Variants in SOBP observed in about 807,000 individuals in gnomAD.
SOBP encodes sine oculis binding protein homolog.
A neutral mutation model predicts 53.6 loss-of-function variants in SOBP; 4 were observed. The observed-to-expected ratio is 0.07, with a 90% CI of 0.04 to 0.17. The LOEUF (loss-of-function observed/expected upper bound fraction) is 0.17, where lower values mean the gene tolerates loss of function less well. Among genes scored for constraint, SOBP ranks in the 10% least tolerant of loss-of-function variants. The pLI, the probability that SOBP is intolerant of heterozygous loss-of-function variation, is 1.00. For missense variants in SOBP, 1,088 were observed against 1,204.7 expected, an observed-to-expected ratio of 0.90 and a Z score of 1.43; for synonymous variants, 584 against 522.6, an observed-to-expected ratio of 1.12 and a Z score of -1.60.
intron 4 of SOBP, among the ~76,000 whole-genome samples, chr6:107,542,394 G>A (rs1784174528): frequency 1.3e-5 from 2 of 152,180 alleles, no homozygotes; most frequent in African/African-American, 2.4e-5. Flanking sequence ...ACAGATGTCT[G>A]GAGCGGAATG....
At chr6:107,608,113 G>T (rs894412965) in intron 5 of SOBP, among the ~76,000 whole-genome samples, 6 of 152,208 alleles carry the variant, frequency 3.9e-5, no homozygotes, top group East Asian at 1.9e-4. Context: ...AGGAAGGATA[G>T]ATAACCAACG....
At chr6:107,550,795 A>G (rs1304109145) in intron 4 of SOBP, among the ~76,000 whole-genome samples, 1 of 152,240 alleles carries the variant, frequency 6.6e-6, no homozygotes, top group Non-Finnish European at 1.5e-5. Context: ...TAAAAAACCA[A>G]TGCATAACCC....
intron 5 of SOBP, among the ~76,000 whole-genome samples, chr6:107,592,249 A>G (rs990086845): frequency 6.6e-6 from 1 of 152,150 alleles, no homozygotes; most frequent in South Asian, 2.1e-4. Context: ...CCCTGGTTCT[A>G]AGTGTATTCA....
At chr6:107,557,616 C>T (rs1784651875) in intron 4 of SOBP, among the ~76,000 whole-genome samples, 1 of 152,094 alleles carries the variant, frequency 6.6e-6, no homozygotes, top group Non-Finnish European at 1.5e-5. Flanking sequence ...GGACAGAGTG[C>T]CAGGTAGTGG....
intron 4 of SOBP, among the ~76,000 whole-genome samples, chr6:107,535,874 T>C (rs1783983421): frequency 6.6e-6 from 1 of 152,158 alleles, no homozygotes; most frequent in African/African-American, 2.4e-5. Flanking sequence ...GAACTGCTTG[T>C]AATAAGCCCC....
At chr6:107,496,580 AATC>A (rs1782703966) in intron 1 of SOBP, among the ~76,000 whole-genome samples, 1 of 152,184 alleles carries the variant, frequency 6.6e-6, no homozygotes, top group Non-Finnish European at 1.5e-5. Flanking sequence ...TCTGCGTTAA[AATC>A]ATTGTGTTGT....
At chr6:107,556,634 G>A (rs9398134) in intron 4 of SOBP, among the ~76,000 whole-genome samples, 3 of 152,180 alleles carry the variant, frequency 2.0e-5, no homozygotes, top group East Asian at 3.8e-4. Context: ...GCATTAATGC[G>A]TGCCTAACAA....
Position 107,558,798 on chromosome 6 carries a change from A to G in SOBP, c.573+25188A>G, listed in dbSNP as rs542534427. On this transcript the variant is annotated intron_variant, in intron 4 of 6. Transcript: ENST00000317357. ...AGAGAGATCAGAAAAAATTTAAGTT[A>G]TTCTAGTGATATTAAAAAGTGAGAC... 2.1e-3 allele frequency among the ~76,000 whole-genome samples: 322 copies of G among 152,190 alleles called. 1 individual carries two copies. Among genetic ancestry groups the G allele is most frequent in the African/African-American group, 7.4e-3 (306 of 41,530 alleles).
At chr6:107,657,146 G>A (rs141194730) in intron 6 of SOBP, among the ~76,000 whole-genome samples, 1 of 152,342 alleles carries the variant, frequency 6.6e-6, no homozygotes, top group East Asian at 1.9e-4. Flanking sequence ...GCTTTACCAT[G>A]CAGTTGGCAG....
chr6:107,601,118 G>A (rs1481250758), intron 5 of SOBP, among the ~76,000 whole-genome samples: 1 of 152,192 alleles, frequency 6.6e-6, no homozygotes, highest in African/African-American at 2.4e-5. Context: ...TCTCTCCTAT[G>A]TCTAGGGAGT....
Position 107,635,953 on chromosome 6 carries a change from T to A in SOBP, c.*3+484T>A, listed in dbSNP as rs1771021597. ...TACTAAATAGAGCTGGTTGCCTCAT[T>A]GGCAGAATGTCACCAAATTTTCTTG... On this transcript the variant is annotated intron_variant, in intron 6 of 6. Transcript: ENST00000317357. The surrounding 1 kb of genome is among the most constrained non-coding windows in gnomAD (Gnocchi z 4.5). Among the ~76,000 whole-genome samples the A allele has an allele frequency of 6.6e-6, 1 of 152,324 alleles. No homozygotes were observed. Among genetic ancestry groups the A allele is most frequent in the South Asian group, 2.1e-4 (1 of 4,826 alleles).
chr6:107,600,911 T>C, intron 5 of SOBP, among the ~76,000 whole-genome samples: 1 of 152,192 alleles, frequency 6.6e-6, no homozygotes, highest in East Asian at 1.9e-4. Context: ...TACCCCTCAT[T>C]TTTACAAGAT....
intron 4 of SOBP, among the ~76,000 whole-genome samples, chr6:107,542,011 T>C (rs1784162006): frequency 6.6e-6 from 1 of 152,114 alleles, no homozygotes; most frequent in African/African-American, 2.4e-5. Context: ...ACTAAGCATG[T>C]TTTAGTCTTG....
intron 4 of SOBP, among the ~76,000 whole-genome samples, chr6:107,568,284 C>T (rs1044250086): frequency 3.9e-5 from 6 of 152,138 alleles, no homozygotes; most frequent in Non-Finnish European, 5.9e-5. Context: ...GTGGGAAACA[C>T]GGTCAAGTTG....
chr6:107,532,817 G>C (rs1783869851), intron 3 of SOBP, among the ~76,000 whole-genome samples: 2 of 152,188 alleles, frequency 1.3e-5, no homozygotes, highest in South Asian at 4.1e-4. Context: ...GGACACCAGT[G>C]CCGGAAGGCT....
At chr6:107,508,436 A>G (rs7747500) in intron 3 of SOBP, among the ~76,000 whole-genome samples, 151,733 of 152,192 alleles carry the variant, frequency 1, 75,639 homozygotes, top group Middle Eastern at 1. Context: ...AAAATTAGCC[A>G]GGCGTGTTGG....
chr6:107,620,060 A>G (rs1786947882), intron 5 of SOBP, among the ~76,000 whole-genome samples: 2 of 152,216 alleles, frequency 1.3e-5, no homozygotes, highest in African/African-American at 4.8e-5. Flanking sequence ...GGGAAATCAG[A>G]AAGGTGGGAA....
At chr6:107,584,028 A>G (rs551977383) in intron 4 of SOBP, among the ~76,000 whole-genome samples, 19 of 152,220 alleles carry the variant, frequency 1.2e-4, no homozygotes, top group Non-Finnish European at 2.6e-4. Context: ...TCCCCCTCTC[A>G]TAGCACAATG....
chr6:107,540,780 T>C (rs1311928442), intron 4 of SOBP, among the ~76,000 whole-genome samples: 2 of 152,192 alleles, frequency 1.3e-5, no homozygotes, highest in African/African-American at 4.8e-5. Flanking sequence ...AGAAGTTGTG[T>C]TGTCTCATTG....
Sources: gnomAD v4.1 joint callset for allele counts (sites outside exome capture counted in the v4.1 genomes callset) on GRCh38, gnomAD v4.1.1 for gene constraint, Gnocchi (gnomAD v3.1) non-coding constraint, MANE v1.5 for transcripts, NCBI Gene and HGNC (gene_info 2026-07-23, HGNC 2026-07-21) for gene names.